The following SMCO2 variants were observed in gnomAD, a reference collection of about 807,000 sequenced individuals.
SMCO2 encodes the protein single-pass membrane and coiled-coil domain-containing protein 2.
A neutral mutation model predicts 29.5 loss-of-function variants in SMCO2; 25 were observed. The ratio of observed to expected loss-of-function variants is 0.85; its 90% CI spans 0.62 to 1.18. The LOEUF (loss-of-function observed/expected upper bound fraction) is 1.18. Ranked by LOEUF, SMCO2 falls within the 50% of genes most tolerant of loss-of-function variation. The pLI is 0.00. For synonymous variants in SMCO2, 117 were observed against 123.3 expected, an observed-to-expected ratio of 0.95 and a Z score of 0.34; for missense variants, 348 against 344.5, an observed-to-expected ratio of 1.01 and a Z score of -0.08.
chr12:27,479,585 A>G (rs1349795902), intron 4 of SMCO2, among the ~76,000 whole-genome samples: 1 of 152,172 alleles, frequency 6.6e-6, no homozygotes, highest in African/African-American at 2.4e-5. Context: ...TCCCCGCCCA[A>G]ATCTCATCTT....
intron 1 of SMCO2, among the ~76,000 whole-genome samples, chr12:27,469,514 C>T (rs1188546657): frequency 6.6e-6 from 1 of 152,130 alleles, no homozygotes; most frequent in Non-Finnish European, 1.5e-5. Flanking sequence ...CTAGTCCCTG[C>T]CATAAATCAC....
the SMCO2 span, among the ~76,000 whole-genome samples, chr12:27,442,889 T>C: frequency 2.0e-5 from 3 of 152,318 alleles, 1 homozygote; most frequent in South Asian, 6.2e-4. Context: ...CCCAAAATGC[T>C]GGGATTACAG....
the SMCO2 span, among the ~76,000 whole-genome samples, chr12:27,429,111 A>G: frequency 1.9e-4 from 29 of 152,152 alleles, no homozygotes; most frequent in Admixed American, 1.6e-3. Context: ...CACATAGATT[A>G]TATGTAAAAT....
upstream of SMCO2, among the ~76,000 whole-genome samples, chr12:27,464,697 A>G (rs1037369036): frequency 4.7e-5 from 7 of 147,884 alleles, no homozygotes; most frequent in Non-Finnish European, 7.4e-5. Flanking sequence ...AGCCTGGGCA[A>G]CAGAAAAAGA....
At chr12:27,443,081 A>G in the SMCO2 span, among the ~76,000 whole-genome samples, 8 of 152,246 alleles carry the variant, frequency 5.3e-5, no homozygotes, top group African/African-American at 1.9e-4. Flanking sequence ...ACTACAGGTC[A>G]TATTTCTGAT....
chr12:27,460,797 T>C, the SMCO2 span, among the ~76,000 whole-genome samples: 2 of 152,180 alleles, frequency 1.3e-5, no homozygotes, highest in African/African-American at 4.8e-5. Flanking sequence ...GGAAAGGAAA[T>C]GAGACTCACA....
At chr12:27,492,509 G>T (rs1251533232) in intron 5 of SMCO2, among the ~76,000 whole-genome samples, 2 of 152,044 alleles carry the variant, frequency 1.3e-5, no homozygotes, top group Admixed American at 6.6e-5. Context: ...ACCAGCCTGG[G>T]CAACATGGTG....
chr12:27,429,422 A>G, the SMCO2 span, among the ~76,000 whole-genome samples: 1 of 151,964 alleles, frequency 6.6e-6, no homozygotes, highest in South Asian at 2.1e-4. Flanking sequence ...ATAAAATTGT[A>G]CAAAGTAATG....
At chr12:27,450,664 T>A in the SMCO2 span, among the ~76,000 whole-genome samples, 1 of 152,210 alleles carries the variant, frequency 6.6e-6, no homozygotes, top group African/African-American at 2.4e-5. Context: ...AGAGAATAGA[T>A]GTTGAAAAGA....
the SMCO2 span, among the ~76,000 whole-genome samples, chr12:27,446,887 A>G: frequency 6.6e-6 from 1 of 152,132 alleles, no homozygotes; most frequent in South Asian, 2.1e-4. Context: ...GCTTTTGCTG[A>G]TGCTGGTCCA....
In SMCO2 at chr12:27,481,312, GCCTGCAAA is replaced by G. The variant is rs529982158; in HGVS notation, c.362+6400_362+6407del. Among the ~76,000 whole-genome samples, 151 of 152,338 alleles carry G rather than the reference GCCTGCAAA, an allele frequency of 9.9e-4. 1 individual carries two copies. The highest frequency in any genetic ancestry group is 2.0e-3 in the Non-Finnish European group (133 of 68,034). The stretch of plus-strand genomic sequence containing the variant: ...GACAGCTCCCTATACTGGTCTCAGG[GCCTGCAAA>G]GGCCGAGGAACTCTCCTGTGGCTAG... On this transcript the variant is annotated intron_variant, in intron 4 of 7. Coordinates refer to ENST00000298876, the Ensembl canonical transcript of SMCO2.
At chr12:27,465,746 C>A (rs569918887), upstream of SMCO2, among the ~76,000 whole-genome samples, 2 of 152,258 alleles carry the variant, frequency 1.3e-5, no homozygotes, top group African/African-American at 4.8e-5. Context: ...CTTAGTAAAC[C>A]AATTTTTCAG....
chr12:27,479,053 A>T lies in SMCO2; in HGVS notation c.362+4140A>T, dbSNP rs543738197. ...GGGTGGGTTGAACAGGACTGTTGTC[A>T]GGCCCCTTGATAGTGTATGTGGGTG... is the stretch of plus-strand genomic sequence containing the variant. On this transcript the variant is annotated intron_variant, in intron 4 of 7. Coordinates refer to ENST00000298876, the Ensembl canonical transcript of SMCO2. 2.0e-5 allele frequency among the ~76,000 whole-genome samples: 3 copies of T among 152,282 alleles called. No individual in the cohort carries two copies. In the South Asian group the frequency reaches 6.2e-4, roughly 32 times the overall value.
chr12:27,480,752 T>G (rs1949635734), intron 4 of SMCO2, among the ~76,000 whole-genome samples: 1 of 152,090 alleles, frequency 6.6e-6, no homozygotes, highest in Non-Finnish European at 1.5e-5. Flanking sequence ...ATACGCTGGC[T>G]ACCCTTCATC....
intron 6 of SMCO2, 100 bp from the exon 8 acceptor site, chr12:27,495,580 C>T: frequency 8.6e-7 from 1 of 1,168,770 alleles, no homozygotes; most frequent in South Asian, 2.6e-5. Flanking sequence ...TAATGTGGGC[C>T]CCCAAGGTGA....
chr12:27,448,903 G>T, the SMCO2 span, among the ~76,000 whole-genome samples: 243 of 152,226 alleles, frequency 1.6e-3, 1 homozygote, highest in African/African-American at 4.6e-3. Context: ...AATGAGAGAA[G>T]AATGGAATTG....
chr12:27,463,650 A>G (rs973188369), upstream of SMCO2, among the ~76,000 whole-genome samples: 3 of 152,206 alleles, frequency 2.0e-5, no homozygotes, highest in African/African-American at 7.2e-5. Context: ...CTGGGGTCAA[A>G]TAAGTGCGAG....
At chr12:27,428,818 CTTTTTTTT>C in the SMCO2 span, among the ~76,000 whole-genome samples, 1 of 130,046 alleles carries the variant, frequency 7.7e-6, no homozygotes, top group Admixed American at 8.0e-5. Context: ...AATAAATGTA[CTTTTTTTT>C]TTTTTTTTTT....
the SMCO2 span, among the ~76,000 whole-genome samples, chr12:27,449,749 T>G: frequency 2.6e-5 from 4 of 152,336 alleles, no homozygotes; most frequent in African/African-American, 9.6e-5. Context: ...TACATTGGAC[T>G]TCTATTTCTC....
Sources: gnomAD v4.1 joint callset for allele counts (sites outside exome capture counted in the v4.1 genomes callset) on GRCh38, gnomAD v4.1.1 for gene constraint, MANE v1.5 for transcripts, NCBI Gene and HGNC (gene_info 2026-07-23, HGNC 2026-07-21) for gene names.